LRRC4C: variants seen among roughly 807,000 people sequenced by gnomAD.
LRRC4C encodes leucine-rich repeat-containing protein 4C.
Under a neutral mutation model 33.6 loss-of-function variants are expected in LRRC4C, and 5 were observed. The ratio of observed to expected loss-of-function variants is 0.15; its 90% CI spans 0.08 to 0.31. The LOEUF (loss-of-function observed/expected upper bound fraction) is 0.31, where lower values mean the gene tolerates loss of function less well. Among genes scored for constraint, LRRC4C ranks in the 10% least tolerant of loss-of-function variants. The pLI, the probability that LRRC4C is intolerant of heterozygous loss-of-function variation, is 1.00. For missense variants in LRRC4C, 560 were observed against 796.7 expected (o/e 0.70, Z 3.58); for synonymous variants, 329 against 302.0 (o/e 1.09, Z -0.93).
At chr11:40,422,388 T>G (rs2137754937) in intron 3 of LRRC4C, among the ~76,000 whole-genome samples, 1 of 152,312 alleles carries the variant, frequency 6.6e-6, no homozygotes, top group Middle Eastern at 3.4e-3. Context: ...AAAGTGGAGT[T>G]TTTTTATTTT....
intron 1 of LRRC4C, among the ~76,000 whole-genome samples, chr11:41,258,689 T>C (rs1948880832): frequency 6.6e-6 from 1 of 152,014 alleles, no homozygotes; most frequent in Admixed American, 6.6e-5. Context: ...AAAAATGTAA[T>C]TGACATAAAA....
chr11:40,969,054 A>G (rs973800085), intron 1 of LRRC4C, among the ~76,000 whole-genome samples: 1 of 152,172 alleles, frequency 6.6e-6, no homozygotes, highest in Non-Finnish European at 1.5e-5. Flanking sequence ...CATTAAGAAC[A>G]TTCATGATTC....
At chr11:40,756,446 A>T (rs903018751) in intron 2 of LRRC4C, among the ~76,000 whole-genome samples, 1 of 152,044 alleles carries the variant, frequency 6.6e-6, no homozygotes, top group Non-Finnish European at 1.5e-5. Flanking sequence ...TTCATTTTGT[A>T]GCAAAATCCA....
intron 5 of LRRC4C, among the ~76,000 whole-genome samples, chr11:40,202,213 C>CAAA (rs35644436): frequency 1.9e-3 from 121 of 64,992 alleles, no homozygotes; most frequent in Middle Eastern, 0.013. Flanking sequence ...GTGTGATTAC[C>CAAA]AAAAAAAAAA....
intron 3 of LRRC4C, among the ~76,000 whole-genome samples, chr11:40,378,567 A>C (rs1480571174): frequency 6.6e-6 from 1 of 152,196 alleles, no homozygotes; most frequent in Non-Finnish European, 1.5e-5. Context: ...TATTGAAAGA[A>C]ATATTTCTAG....
chr11:40,131,760 G>T (rs1302180031), intron 6 of LRRC4C, among the ~76,000 whole-genome samples: 1 of 152,074 alleles, frequency 6.6e-6, no homozygotes, highest in Non-Finnish European at 1.5e-5. Context: ...TGTCTTCATT[G>T]TTTCCATTAT....
intron 1 of LRRC4C, among the ~76,000 whole-genome samples, chr11:40,945,349 C>G (rs1416778454): frequency 6.6e-6 from 1 of 152,026 alleles, no homozygotes; most frequent in Non-Finnish European, 1.5e-5. Context: ...CTCTCCTGGC[C>G]AAACCCTAAC....
In LRRC4C at chr11:41,070,283, C is replaced by T. The variant is rs554627228; in HGVS notation, c.-495-136560G>A. Among the ~76,000 whole-genome samples, 10 of 152,232 alleles carry T rather than the reference C, an allele frequency of 6.6e-5. No homozygotes were observed. The South Asian group carries it at 1.0e-3, about 16-fold the overall frequency. ...AAATTATCTCAAGATGGATTAACAACTTAAATGCAAAACCCCAAATCATAA... is the reference window on the plus strand; with the variant it reads ...AAATTATCTCAAGATGGATTAACAATTTAAATGCAAAACCCCAAATCATAA... On this transcript the variant is annotated intron_variant, in intron 1 of 6. Transcript: ENST00000528697.
intron 4 of LRRC4C, among the ~76,000 whole-genome samples, chr11:40,249,044 C>A (rs1179989074): frequency 6.6e-6 from 1 of 151,918 alleles, no homozygotes; most frequent in Non-Finnish European, 1.5e-5. Context: ...CAATTATAAT[C>A]TCTTGGTTGG....
At chr11:40,297,431 T>A (rs1944567167) in intron 4 of LRRC4C, among the ~76,000 whole-genome samples, 1 of 152,200 alleles carries the variant, frequency 6.6e-6, no homozygotes, top group South Asian at 2.1e-4. Context: ...GAATTTAAAA[T>A]TCAATACTCA....
At chr11:40,958,512 T>TGAACATGGGACTAAATA (rs1440589417) in intron 1 of LRRC4C, among the ~76,000 whole-genome samples, 4 of 151,866 alleles carry the variant, frequency 2.6e-5, no homozygotes, top group Admixed American at 2.6e-4. Context: ...GAGTATTCCA[T>TGAACATGGGACTAAATA]GAACATGGGA....
chr11:40,839,762 T>C (rs1952832865), intron 2 of LRRC4C, among the ~76,000 whole-genome samples: 1 of 152,194 alleles, frequency 6.6e-6, no homozygotes, highest in Non-Finnish European at 1.5e-5. Context: ...ACTTACAGGG[T>C]CACTTACCAA....
intron 2 of LRRC4C, among the ~76,000 whole-genome samples, chr11:40,853,293 G>A (rs1271273874): frequency 6.6e-6 from 1 of 151,224 alleles, no homozygotes; most frequent in Admixed American, 6.6e-5. Context: ...ATCTTTCTAT[G>A]CACAAATATA....
intron 3 of LRRC4C, among the ~76,000 whole-genome samples, chr11:40,339,209 C>G (rs1402586565): frequency 1.3e-5 from 2 of 152,110 alleles, no homozygotes; most frequent in Admixed American, 6.6e-5. Context: ...ATTCTTTGTA[C>G]CCAGGAAACA....
chr11:41,010,275 G>A (rs961809479), intron 1 of LRRC4C, among the ~76,000 whole-genome samples: 1 of 152,098 alleles, frequency 6.6e-6, no homozygotes, highest in African/African-American at 2.4e-5. Flanking sequence ...ATACTTGTTA[G>A]TCACCTTTGC....
At chr11:40,621,001 G>A (rs77462932) in intron 3 of LRRC4C, among the ~76,000 whole-genome samples, 1 of 151,604 alleles carries the variant, frequency 6.6e-6, no homozygotes, top group African/African-American at 2.4e-5. Flanking sequence ...GCAGGTGAGG[G>A]CTGGAGAGTG....
In LRRC4C at chr11:41,213,120, A is replaced by G. The variant is rs144984003; in HGVS notation, c.-496+246311T>C. Among the ~76,000 whole-genome samples the G allele has an allele frequency of 7.2e-3, 1,096 of 152,278 alleles. 14 individuals are homozygous for G. Among genetic ancestry groups the G allele is most frequent in the African/African-American group, 0.024 (1,009 of 41,556 alleles). On this transcript the variant is annotated intron_variant, in intron 1 of 6. Coordinates refer to ENST00000528697, the MANE Select transcript of LRRC4C (RefSeq NM_001258419.2). Reference sequence around the variant, plus strand: ...CTAGAATAGGGGCATCATGAAAGTTATTTGATTTTCTTACTTCCTTTCTCA... The same window carrying G: ...CTAGAATAGGGGCATCATGAAAGTTGTTTGATTTTCTTACTTCCTTTCTCA...
chr11:41,126,396 T>C (rs1208572136), intron 1 of LRRC4C, among the ~76,000 whole-genome samples: 3 of 151,910 alleles, frequency 2.0e-5, no homozygotes, highest in Non-Finnish European at 4.4e-5. Context: ...AGGGTTGCAA[T>C]AGGGATCCTC....
intron 1 of LRRC4C, among the ~76,000 whole-genome samples, chr11:41,155,203 T>A (rs1424618720): frequency 1.3e-5 from 2 of 152,112 alleles, no homozygotes; most frequent in Non-Finnish European, 2.9e-5. Flanking sequence ...TTTTGCTTAA[T>A]TCCAACATCC....
Sources: gnomAD v4.1 joint callset for allele counts (sites outside exome capture counted in the v4.1 genomes callset) on GRCh38, gnomAD v4.1.1 for gene constraint, MANE v1.5 for transcripts, NCBI Gene and HGNC (gene_info 2026-07-23, HGNC 2026-07-21) for gene names.